Variants in MALRD1 observed in about 807,000 individuals in gnomAD.
MALRD1 encodes MAM and LDL-receptor class A domain-containing protein 1.
Under a neutral mutation model 242.1 loss-of-function variants are expected in MALRD1, and 247 were observed. That is an observed-to-expected ratio of 1.02 (90% CI 0.92 to 1.13). MALRD1 has a LOEUF of 1.13. Among genes scored for constraint, MALRD1 ranks in the 50% most tolerant of loss-of-function variants. MALRD1 has a pLI of 0.00. For missense variants in MALRD1, 2,989 were observed against 2,533.1 expected (o/e 1.18, Z -3.86); for synonymous variants, 995 against 866.6 (o/e 1.15, Z -2.60).
At chr10:19,164,695 G>A (rs567617490) in intron 12 of MALRD1, among the ~76,000 whole-genome samples, 1 of 152,224 alleles carries the variant, frequency 6.6e-6, no homozygotes, top group East Asian at 1.9e-4. Flanking sequence ...ACAGCTCCAG[G>A]TACTTAGAAA....
intron 31 of MALRD1, among the ~76,000 whole-genome samples, chr10:19,527,479 A>G (rs1471835123): frequency 6.6e-6 from 1 of 152,208 alleles, no homozygotes; most frequent in African/African-American, 2.4e-5. Context: ...CAGTGAACCT[A>G]ATTACTAATT....
At chr10:19,603,775 A>C (rs948836126) in intron 34 of MALRD1, among the ~76,000 whole-genome samples, 1 of 152,132 alleles carries the variant, frequency 6.6e-6, no homozygotes, top group Non-Finnish European at 1.5e-5. Context: ...CTTCATGACT[A>C]TCATGTCTGT....
intron 32 of MALRD1, among the ~76,000 whole-genome samples, chr10:19,534,941 A>G (rs1834592022): frequency 6.6e-6 from 1 of 152,038 alleles, no homozygotes; most frequent in Non-Finnish European, 1.5e-5. Flanking sequence ...ACTGGAGTGC[A>G]GTGGCGCGAT....
chr10:19,634,374 G>A (rs1319285338), intron 36 of MALRD1, among the ~76,000 whole-genome samples: 3 of 152,148 alleles, frequency 2.0e-5, no homozygotes, highest in Admixed American at 6.6e-5. Flanking sequence ...TTGTTGTTAC[G>A]CAAGACTGAG....
intron 36 of MALRD1, among the ~76,000 whole-genome samples, chr10:19,623,048 T>A (rs1337527737): frequency 6.6e-6 from 1 of 151,994 alleles, no homozygotes; most frequent in Non-Finnish European, 1.5e-5. Context: ...CCATACACAC[T>A]ATAGAAATAA....
intron 28 of MALRD1, among the ~76,000 whole-genome samples, chr10:19,433,173 G>A (rs1266502483): frequency 6.6e-6 from 1 of 152,180 alleles, no homozygotes; most frequent in Non-Finnish European, 1.5e-5. Flanking sequence ...CTGTATATAA[G>A]TATAGTAAGT....
intron 1 of MALRD1, among the ~76,000 whole-genome samples, chr10:19,061,596 C>T (rs138335813): frequency 2.0e-5 from 3 of 152,220 alleles, no homozygotes; most frequent in African/African-American, 7.2e-5. Context: ...AGACAGCCAT[C>T]TAGACCATGG....
chr10:19,562,297 GTAGATAGATAGATAGATAGA>G (rs78473002), intron 32 of MALRD1, among the ~76,000 whole-genome samples: 6,603 of 144,738 alleles, frequency 0.046, 482 homozygotes, highest in African/African-American at 0.16. Flanking sequence ...GCTGTCTTAG[GTAGATAGATAGATAGATAGA>G]TAGATAGATA....
chr10:19,193,192 A>C (rs972069052), intron 14 of MALRD1, among the ~76,000 whole-genome samples: 2 of 152,224 alleles, frequency 1.3e-5, no homozygotes, highest in Non-Finnish European at 2.9e-5. Flanking sequence ...CAACAATATA[A>C]TTGTAAGAGG....
At chr10:19,196,890 T>C (rs753926471) in intron 14 of MALRD1, among the ~76,000 whole-genome samples, 11 of 152,174 alleles carry the variant, frequency 7.2e-5, no homozygotes, top group Non-Finnish European at 1.3e-4. Flanking sequence ...GCTTTCAAAG[T>C]ATCTCCACAA....
chr10:19,098,619 A>G (rs942523486), intron 4 of MALRD1, among the ~76,000 whole-genome samples: 13 of 152,170 alleles, frequency 8.5e-5, no homozygotes, highest in African/African-American at 1.2e-4. Flanking sequence ...ACTACTAATT[A>G]AGAAAACTCT....
intron 34 of MALRD1, among the ~76,000 whole-genome samples, chr10:19,599,738 A>T (rs552287812): frequency 1.3e-5 from 2 of 152,266 alleles, no homozygotes; most frequent in Admixed American, 1.3e-4. Context: ...CTGTAGACCA[A>T]AGAGTGTGAG....
At chr10:19,603,921 T>C (rs1838485492) in intron 34 of MALRD1, among the ~76,000 whole-genome samples, 1 of 152,156 alleles carries the variant, frequency 6.6e-6, no homozygotes, top group Non-Finnish European at 1.5e-5. Flanking sequence ...CAACCAGCCA[T>C]TCCCCTGTTT....
chr10:19,330,143 T>A (rs1843300879), intron 23 of MALRD1, among the ~76,000 whole-genome samples: 1 of 152,136 alleles, frequency 6.6e-6, no homozygotes, highest in African/African-American at 2.4e-5. Context: ...AAGCTCTTCA[T>A]CTATCTTACT....
chr10:19,428,415 T>TAA (rs1043073191), intron 28 of MALRD1, among the ~76,000 whole-genome samples: 3 of 152,080 alleles, frequency 2.0e-5, no homozygotes, highest in African/African-American at 7.2e-5. Flanking sequence ...AATCCCTGAA[T>TAA]ACGATCTTCT....
intron 36 of MALRD1, among the ~76,000 whole-genome samples, chr10:19,672,108 T>C (rs573622457): frequency 7.2e-5 from 11 of 152,204 alleles, no homozygotes; most frequent in African/African-American, 2.6e-4. Flanking sequence ...CTATTCTTAT[T>C]CCAGAGAGTC....
intron 36 of MALRD1, among the ~76,000 whole-genome samples, chr10:19,643,445 T>C (rs887220400): frequency 6.6e-6 from 1 of 151,872 alleles, no homozygotes; most frequent in Non-Finnish European, 1.5e-5. Flanking sequence ...AAACTCCGTC[T>C]CAAAAAAAAA....
rs577028862 is a variant in MALRD1 at position 19,680,908 on chromosome 10, AT to A, written c.6138-11371del. On this transcript the variant is annotated intron_variant, in intron 36 of 39. Transcript: ENST00000454679. Reference sequence around the variant, plus strand: ...ATTTCTCTTTTGCTTATGAAGCTTAATTTGGCCAGATATGAAATTCTGGGTT... The same window carrying A: ...ATTTCTCTTTTGCTTATGAAGCTTAATTGGCCAGATATGAAATTCTGGGTT... Among the ~76,000 whole-genome samples, 211 of 152,196 alleles carry A rather than the reference AT, an allele frequency of 1.4e-3. 1 individual carries two copies. The highest frequency in any genetic ancestry group is 5.6e-3 in the South Asian group (27 of 4,812).
chr10:19,438,449 A>AC (rs1834448674), intron 28 of MALRD1, among the ~76,000 whole-genome samples: 1 of 152,202 alleles, frequency 6.6e-6, no homozygotes. Flanking sequence ...TTGCTATTGC[A>AC]AATAATGTTG....
Sources: gnomAD v4.1 joint callset for allele counts (sites outside exome capture counted in the v4.1 genomes callset) on GRCh38, gnomAD v4.1.1 for gene constraint, MANE v1.5 for transcripts, NCBI Gene and HGNC (gene_info 2026-07-23, HGNC 2026-07-21) for gene names.